The following THRB variants were observed in gnomAD, a reference collection of about 807,000 sequenced individuals.
The protein encoded by THRB is thyroid hormone receptor beta.
A neutral mutation model predicts 47.8 loss-of-function variants in THRB; 12 were observed. That is an observed-to-expected ratio of 0.25 (90% CI 0.16 to 0.41). The LOEUF is 0.41. Ranked by LOEUF, THRB falls within the 10% of genes least tolerant of loss-of-function variation. The pLI is 1.00. For synonymous variants in THRB, 218 were observed against 212.2 expected (o/e 1.03, Z -0.24); for missense variants, 348 against 589.2 (o/e 0.59, Z 4.24).
intron 4 of THRB, among the ~76,000 whole-genome samples, chr3:24,208,187 A>AC (rs1335580383): frequency 6.7e-6 from 1 of 148,762 alleles, no homozygotes; most frequent in Non-Finnish European, 1.5e-5. Context: ...TTGCTCAACA[A>AC]AAAAAAAAAG....
chr3:24,457,372 A>G (rs1365510746), intron 1 of THRB, among the ~76,000 whole-genome samples: 1 of 152,180 alleles, frequency 6.6e-6, no homozygotes, highest in Non-Finnish European at 1.5e-5. Flanking sequence ...TGGCCATTAA[A>G]ATGAACACTT....
chr3:24,436,038 A>C (rs1419553939), intron 1 of THRB, among the ~76,000 whole-genome samples: 3 of 152,136 alleles, frequency 2.0e-5, no homozygotes, highest in African/African-American at 7.2e-5. Flanking sequence ...TAAAAATGAC[A>C]CTTACGTACT....
chr3:24,300,221 T>C (rs1009181277), intron 2 of THRB, among the ~76,000 whole-genome samples: 1 of 152,052 alleles, frequency 6.6e-6, no homozygotes, highest in African/African-American at 2.4e-5. Context: ...CACCAGGAAT[T>C]AAGGACAAAG....
intron 1 of THRB, among the ~76,000 whole-genome samples, chr3:24,359,528 T>C (rs2149628465): frequency 6.6e-6 from 1 of 152,248 alleles, no homozygotes; most frequent in Non-Finnish European, 1.5e-5. Context: ...GACCTTTATC[T>C]CTTGATGAGA....
At chr3:24,173,757 C>T (rs1239069602) in intron 5 of THRB, among the ~76,000 whole-genome samples, 1 of 152,180 alleles carries the variant, frequency 6.6e-6, no homozygotes, top group East Asian at 1.9e-4. Context: ...ATTCTCAGCC[C>T]TCTTCTAACC....
chr3:24,222,247 A>G (rs6764136), intron 4 of THRB, among the ~76,000 whole-genome samples: 45,707 of 152,072 alleles, frequency 0.3, 7,041 homozygotes, highest in East Asian at 0.41. Flanking sequence ...TGTGTGTGAC[A>G]GGAAAAAAAA....
intron 6 of THRB, 121 bp from the exon 7 acceptor site, chr3:24,146,943 C>T (rs574181237): frequency 1.6e-4 from 124 of 799,202 alleles, no homozygotes; most frequent in Middle Eastern, 7.1e-4. Flanking sequence ...TGTTTCTAGG[C>T]CTCTAGCTCC....
At chr3:24,370,405 T>A (rs2064818166) in intron 1 of THRB, among the ~76,000 whole-genome samples, 1 of 152,074 alleles carries the variant, frequency 6.6e-6, no homozygotes, top group Admixed American at 6.6e-5. Context: ...TGTCACTGGC[T>A]TTACTGTGGT....
intron 1 of THRB, among the ~76,000 whole-genome samples, chr3:24,379,095 T>C (rs1178363635): frequency 6.6e-6 from 1 of 152,146 alleles, no homozygotes; most frequent in Non-Finnish European, 1.5e-5. Flanking sequence ...TCAAAGACTG[T>C]GCATTTAAGC....
At chr3:24,449,039 G>A (rs1473796596) in intron 1 of THRB, among the ~76,000 whole-genome samples, 2 of 152,214 alleles carry the variant, frequency 1.3e-5, no homozygotes, top group Non-Finnish European at 2.9e-5. Flanking sequence ...GGCAAAGGCA[G>A]AATTCTGAAT....
intron 6 of THRB, among the ~76,000 whole-genome samples, chr3:24,147,549 A>G (rs1253806209): frequency 6.6e-6 from 1 of 152,190 alleles, no homozygotes; most frequent in African/African-American, 2.4e-5. Flanking sequence ...TCCTTTCTTA[A>G]GGCATGAGAG....
At chr3:24,358,637 C>G (rs12495053) in intron 1 of THRB, among the ~76,000 whole-genome samples, 2 of 151,866 alleles carry the variant, frequency 1.3e-5, no homozygotes, top group Admixed American at 6.6e-5. Context: ...TGTCTGCCTA[C>G]TTCTGTGTTG....
At chr3:24,246,322 C>T (rs563256383) in intron 3 of THRB, among the ~76,000 whole-genome samples, 2 of 152,090 alleles carry the variant, frequency 1.3e-5, no homozygotes, top group African/African-American at 4.8e-5. Context: ...GTGTTCCTTT[C>T]ATGGGGTTTC....
At chr3:24,363,023 T>C (rs2064187243) in intron 1 of THRB, among the ~76,000 whole-genome samples, 1 of 152,146 alleles carries the variant, frequency 6.6e-6, no homozygotes, top group African/African-American at 2.4e-5. Flanking sequence ...ACTCCAAAAT[T>C]GACTATTTTT....
At chr3:24,454,433 T>C (rs1395724220) in intron 1 of THRB, among the ~76,000 whole-genome samples, 1 of 152,160 alleles carries the variant, frequency 6.6e-6, no homozygotes. Flanking sequence ...CTAAAATTAA[T>C]AGTGGTGATA....
Position 24,218,985 on chromosome 3 carries a change from G to A in THRB, c.22+9953C>T, listed in dbSNP as rs563108823. On this transcript the variant is annotated intron_variant, in intron 4 of 10. Coordinates refer to ENST00000646209, the MANE Select transcript of THRB (RefSeq NM_001354712.2). ...AAAGCAGCATAGAATAGCATTCTAAGCTCGGGCGTGGTGGCTCATGCCTGT... is the reference window on the plus strand; with the variant it reads ...AAAGCAGCATAGAATAGCATTCTAAACTCGGGCGTGGTGGCTCATGCCTGT... 5.3e-5 allele frequency among the ~76,000 whole-genome samples: 8 copies of A among 152,342 alleles called. No individual in the cohort carries two copies. In the East Asian group the frequency reaches 1.2e-3, roughly 22 times the overall value.
chr3:24,343,941 A>G (rs1576997298), intron 1 of THRB, among the ~76,000 whole-genome samples: 1 of 146,782 alleles, frequency 6.8e-6, no homozygotes, highest in Non-Finnish European at 1.5e-5. Flanking sequence ...TTATTTATAT[A>G]TTATATATTA....
intron 3 of THRB, among the ~76,000 whole-genome samples, chr3:24,285,156 A>G (rs1379091865): frequency 6.7e-6 from 1 of 149,904 alleles, no homozygotes; most frequent in African/African-American, 2.4e-5. Flanking sequence ...GGCATTATTC[A>G]CAATAGCAAA....
intron 2 of THRB, among the ~76,000 whole-genome samples, chr3:24,300,408 C>A (rs190259662): frequency 1.2e-4 from 19 of 152,196 alleles, no homozygotes; most frequent in Admixed American, 2.6e-4. Context: ...CCATGATACA[C>A]GTGCACCACA....
Sources: gnomAD v4.1 joint callset for allele counts (sites outside exome capture counted in the v4.1 genomes callset) on GRCh38, gnomAD v4.1.1 for gene constraint, MANE v1.5 for transcripts, NCBI Gene and HGNC (gene_info 2026-07-23, HGNC 2026-07-21) for gene names.